The following SH3RF3 variants were observed in gnomAD, a reference collection of about 807,000 sequenced individuals.
SH3RF3 encodes E3 ubiquitin-protein ligase SH3RF3.
Under a neutral mutation model 66.3 loss-of-function variants are expected in SH3RF3, and 29 were observed. That is an observed-to-expected ratio of 0.44 (90% CI 0.33 to 0.60). The LOEUF (loss-of-function observed/expected upper bound fraction) is 0.60. Among genes scored for constraint, SH3RF3 ranks in the 20% least tolerant of loss-of-function variants. The pLI is 0.04. For synonymous variants in SH3RF3, 583 were observed against 532.0 expected (o/e 1.10, Z -1.32); for missense variants, 1,194 against 1,190.9 (o/e 1.00, Z -0.04).
At chr2:109,163,737 G>A (rs1326469309) in intron 1 of SH3RF3, among the ~76,000 whole-genome samples, 1 of 152,174 alleles carries the variant, frequency 6.6e-6, no homozygotes, top group Non-Finnish European at 1.5e-5. Flanking sequence ...CGATTCCACA[G>A]TGAGTAACTG....
At chr2:109,398,211 C>T (rs1158674447) in intron 3 of SH3RF3, among the ~76,000 whole-genome samples, 2 of 152,210 alleles carry the variant, frequency 1.3e-5, no homozygotes, top group Non-Finnish European at 2.9e-5. Flanking sequence ...CATGCAGGGC[C>T]AGCCCACGTC....
At chr2:109,399,641 A>G (rs1277810117) in intron 4 of SH3RF3, among the ~76,000 whole-genome samples, 1 of 152,230 alleles carries the variant, frequency 6.6e-6, no homozygotes, top group African/African-American at 2.4e-5. Flanking sequence ...ATAAAATAAA[A>G]TGATTAAAAA....
At chr2:109,380,689 G>C (rs1386830207) in intron 3 of SH3RF3, among the ~76,000 whole-genome samples, 3 of 152,150 alleles carry the variant, frequency 2.0e-5, no homozygotes, top group African/African-American at 7.2e-5. Flanking sequence ...ATGTTGTCAG[G>C]GCCTGGCGAA....
chr2:109,200,526 C>T (rs1678644671), intron 1 of SH3RF3, among the ~76,000 whole-genome samples: 1 of 152,154 alleles, frequency 6.6e-6, no homozygotes, highest in Non-Finnish European at 1.5e-5. Context: ...CGACTCTGCC[C>T]TGTGTGCAGA....
intron 3 of SH3RF3, among the ~76,000 whole-genome samples, chr2:109,390,792 C>T (rs763360942): frequency 9.9e-5 from 15 of 152,180 alleles, no homozygotes; most frequent in African/African-American, 3.1e-4. Flanking sequence ...GGTCGCTTCC[C>T]GGGCTACCCA....
intron 8 of SH3RF3, among the ~76,000 whole-genome samples, chr2:109,474,362 TGTAA>T (rs1268917796): frequency 1.3e-5 from 2 of 152,184 alleles, no homozygotes; most frequent in African/African-American, 2.4e-5. Context: ...CCATTTGGGC[TGTAA>T]GTGTGAGCTA....
chr2:109,245,686 T>C (rs1167639697), intron 1 of SH3RF3, among the ~76,000 whole-genome samples: 2 of 152,178 alleles, frequency 1.3e-5, no homozygotes, highest in Non-Finnish European at 2.9e-5. Context: ...TTGTTAAGAT[T>C]TCTCTCTGAA....
intron 8 of SH3RF3, among the ~76,000 whole-genome samples, chr2:109,450,728 GGCCCATGCACT>G (rs1340269734): frequency 3.9e-5 from 6 of 152,136 alleles, no homozygotes; most frequent in African/African-American, 1.4e-4. Context: ...CAGGGCTCAG[GGCCCATGCACT>G]GCCTGAGGCT....
At chr2:109,167,428 G>C (rs971365704) in intron 1 of SH3RF3, among the ~76,000 whole-genome samples, 3 of 152,176 alleles carry the variant, frequency 2.0e-5, no homozygotes, top group African/African-American at 7.2e-5. Context: ...TTATATCCTG[G>C]CAAGGGGTGA....
At chr2:109,314,682 C>G (rs1681828921) in intron 1 of SH3RF3, among the ~76,000 whole-genome samples, 2 of 152,344 alleles carry the variant, frequency 1.3e-5, no homozygotes, top group South Asian at 4.1e-4. Flanking sequence ...ATAAGGCAAA[C>G]CAGCTCCTTG....
chr2:109,307,170 A>G (rs945008168), intron 1 of SH3RF3, among the ~76,000 whole-genome samples: 119 of 152,358 alleles, frequency 7.8e-4, no homozygotes, highest in African/African-American at 2.7e-3. Flanking sequence ...GGGAACATTC[A>G]CATTTAGTTT....
Position 109,437,009 on chromosome 2 carries a change from C to G in SH3RF3, c.1691C>G (p.Thr564Ser). Residue 564 changes from threonine (T) to serine (S), a missense_variant, in exon 7 of 10, where the codon ACT (threonine) becomes AGT (serine). Coordinates refer to ENST00000309415, the MANE Select transcript of SH3RF3 (RefSeq NM_001099289.3). ...PGSGSLSSLA[T>S]ATRPALPITT... ...AGTGGGAGTCTGAGCAGCCTGGCCA[C>G]TGCCACCAGGCCCGCCCTGCCCATC... The G allele has an allele frequency of 6.2e-7, 1 of 1,613,910 alleles. No individual in the cohort carries two copies.
intron 1 of SH3RF3, among the ~76,000 whole-genome samples, chr2:109,249,034 A>G (rs930249553): frequency 1.3e-5 from 2 of 152,178 alleles, no homozygotes; most frequent in African/African-American, 4.8e-5. Context: ...GGTGCATGCC[A>G]CCATGCCCAG....
chr2:109,419,543 T>C lies in SH3RF3; in HGVS notation c.1304T>C (p.Val435Ala). Residue 435 changes from valine to alanine, a missense_variant, in exon 5 of 10, where the codon GTC becomes GCC. Transcript: ENST00000309415. ...HLSCAAPTQD[V>A]SSSAGSTPTA... The stretch of plus-strand genomic sequence containing the variant: ...TCCCCTCTTGTCTGTTTCCAGGATG[T>C]CTCCTCCTCGGCGGGATCTACCCCC... 1.3e-6 allele frequency: 2 copies of C among 1,593,778 alleles called. No individual in the cohort carries two copies. Among genetic ancestry groups the C allele is most frequent in the Non-Finnish European group, 1.7e-6 (2 of 1,170,654 alleles).
chr2:109,287,509 T>C (rs1681055307), intron 1 of SH3RF3, among the ~76,000 whole-genome samples: 1 of 152,218 alleles, frequency 6.6e-6, no homozygotes, highest in South Asian at 2.1e-4. Context: ...GTTGGGACAC[T>C]ACGCTCAGGT....
At chr2:109,408,236 G>A (rs1676498396) in intron 4 of SH3RF3, among the ~76,000 whole-genome samples, 1 of 152,154 alleles carries the variant, frequency 6.6e-6, no homozygotes, top group African/African-American at 2.4e-5. Context: ...TGCCTCAGAG[G>A]GTGGAAAGGA....
intron 1 of SH3RF3, among the ~76,000 whole-genome samples, chr2:109,282,186 T>C (rs1321860728): frequency 6.6e-6 from 1 of 152,146 alleles, no homozygotes; most frequent in Non-Finnish European, 1.5e-5. Context: ...TCTTTTTATC[T>C]TGTTGCCATG....
At chr2:109,289,827 A>G (rs190568067) in intron 1 of SH3RF3, among the ~76,000 whole-genome samples, 7 of 152,290 alleles carry the variant, frequency 4.6e-5, no homozygotes, top group Middle Eastern at 3.4e-3. Flanking sequence ...CGGGAAATCA[A>G]CTAACTTTCT....
chr2:109,230,133 T>C (rs920374426), intron 1 of SH3RF3, among the ~76,000 whole-genome samples: 1 of 152,166 alleles, frequency 6.6e-6, no homozygotes, highest in African/African-American at 2.4e-5. Flanking sequence ...CGATTTTTTT[T>C]TTCTTCTTAA....
Sources: allele counts gnomAD v4.1 joint callset (sites outside exome capture counted in the v4.1 genomes callset), GRCh38; gene constraint gnomAD v4.1.1; transcripts MANE v1.5; gene names NCBI Gene and HGNC (gene_info 2026-07-23, HGNC 2026-07-21).